Variants in LIPA observed in about 807,000 individuals in gnomAD.
The protein encoded by LIPA is lysosomal acid lipase/cholesteryl ester hydrolase.
A neutral mutation model predicts 40.6 loss-of-function variants in LIPA; 26 were observed. The observed-to-expected ratio is 0.64, with a 90% CI of 0.47 to 0.89. LIPA has a LOEUF of 0.89. Ranked by LOEUF, LIPA falls within the 40% of genes least tolerant of loss-of-function variation. The probability of loss-of-function intolerance (pLI) is 0.00; values close to 1 mark genes in which losing one functional copy is unlikely to be tolerated. For synonymous variants in LIPA, 188 were observed against 168.4 expected (o/e 1.12, Z -0.90); for missense variants, 455 against 479.6 (o/e 0.95, Z 0.48).
intron 1 of LIPA, chr10:89,332,505 A>G: frequency 6.3e-7 from 1 of 1,586,736 alleles, no homozygotes; most frequent in African/African-American, 1.4e-5. Context: ...CTTTCATAAA[A>G]GCACAGACCT....
chr10:89,312,892 A>G (rs913817964), intron 1 of LIPA, among the ~76,000 whole-genome samples: 1 of 152,046 alleles, frequency 6.6e-6, no homozygotes. Flanking sequence ...CTTAGAGTGC[A>G]TGCTTTCTGC....
chr10:89,251,820 G>C (rs886047474), upstream of LIPA: 3 of 152,408 alleles, frequency 2.0e-5, no homozygotes, highest in African/African-American at 7.2e-5. Flanking sequence ...CCTGCAGGGG[G>C]CCTGGTCTGC....
intron 1 of LIPA, among the ~76,000 whole-genome samples, chr10:89,320,424 A>G (rs1351210305): frequency 1.3e-5 from 2 of 152,192 alleles, no homozygotes; most frequent in East Asian, 3.8e-4. Context: ...TACACCAATA[A>G]CAGACAAACA....
intron 1 of LIPA, among the ~76,000 whole-genome samples, chr10:89,300,254 C>A (rs1198573724): frequency 3.3e-5 from 5 of 151,936 alleles, no homozygotes; most frequent in African/African-American, 9.7e-5. Context: ...ATAATAGATA[C>A]CAGAGACTGG....
At chr10:89,317,417 G>A (rs534125983) in intron 1 of LIPA, among the ~76,000 whole-genome samples, 10 of 152,254 alleles carry the variant, frequency 6.6e-5, no homozygotes, top group South Asian at 6.2e-4. Context: ...ACTATATGAC[G>A]CATGCACAAC....
upstream of LIPA, among the ~76,000 whole-genome samples, chr10:89,255,789 A>T (rs1275873813): frequency 6.6e-6 from 1 of 152,152 alleles, no homozygotes; most frequent in African/African-American, 2.4e-5. Context: ...TGGTTTTGAG[A>T]TGCCTTTTAG....
intron 1 of LIPA, among the ~76,000 whole-genome samples, chr10:89,298,240 C>T (rs1390156175): frequency 5.3e-5 from 8 of 152,222 alleles, no homozygotes; most frequent in African/African-American, 1.9e-4. Context: ...CCCACTAACA[C>T]CAGTGCCAGT....
Position 89,393,004 on chromosome 10 carries a change from A to G in LIPA, c.61+19787T>C, listed in dbSNP as rs552656301. ...GGAAAAGAGTTTTGCAGGAAGGGAG[A>G]AAATGATCCCAATCTGAGAGATTCT... On this transcript the variant is annotated intron_variant, in intron 2 of 8. Coordinates refer to the LIPA transcript ENST00000371837. 9 of 760,494 alleles carry G rather than the reference A, an allele frequency of 1.2e-5. No homozygotes were observed. The Admixed American group carries it at 1.9e-4, about 16-fold the overall frequency. The allele number at this position is 760,494 out of a possible 1,614,324, so 47.1% of individuals were successfully genotyped here.
chr10:89,351,452 C>T (rs1015660956), intron 2 of LIPA, among the ~76,000 whole-genome samples: 8 of 152,166 alleles, frequency 5.3e-5, no homozygotes, highest in African/African-American at 1.4e-4. Context: ...GTATCCATGA[C>T]GATTTTATAA....
intron 3 of LIPA, among the ~76,000 whole-genome samples, chr10:89,233,729 C>A (rs771485068): frequency 6.6e-6 from 1 of 152,052 alleles, no homozygotes; most frequent in African/African-American, 2.4e-5. Context: ...GTGAAACCCT[C>A]GTGGTGGGTG....
intron 3 of LIPA, among the ~76,000 whole-genome samples, chr10:89,234,326 T>C (rs1255834062): frequency 6.6e-6 from 1 of 152,170 alleles, no homozygotes; most frequent in Non-Finnish European, 1.5e-5. Flanking sequence ...TAGGAAGGAC[T>C]TCATGGGGTG....
chr10:89,258,350 T>A (rs996025599), intron 1 of LIPA, among the ~76,000 whole-genome samples: 1 of 151,748 alleles, frequency 6.6e-6, no homozygotes, highest in African/African-American at 2.4e-5. Context: ...TTGGAGAAAA[T>A]CTTAAGAAAT....
At chr10:89,398,694 A>G (rs971733535) in intron 2 of LIPA, among the ~76,000 whole-genome samples, 2 of 152,208 alleles carry the variant, frequency 1.3e-5, no homozygotes, top group African/African-American at 4.8e-5. Flanking sequence ...CCATGTTGTA[A>G]CATGTATCAG....
intron 1 of LIPA, chr10:89,338,752 G>A (rs2133566572): frequency 1.9e-6 from 3 of 1,614,000 alleles, no homozygotes; most frequent in East Asian, 2.2e-5. Context: ...TGTCTCAAGG[G>A]ATCTAGAAGA....
chr10:89,343,182 A>G (rs1321603230), upstream of LIPA, among the ~76,000 whole-genome samples: 2 of 152,254 alleles, frequency 1.3e-5, no homozygotes, highest in African/African-American at 2.4e-5. Flanking sequence ...TTTATGTGAT[A>G]TGAGAGCCTT....
chr10:89,389,378 AAGTAC>A (rs1288410438), intron 2 of LIPA, among the ~76,000 whole-genome samples: 1 of 152,240 alleles, frequency 6.6e-6, no homozygotes, highest in East Asian at 1.9e-4. Context: ...ACCAAAAAAC[AAGTAC>A]AGTAGCAACT....
rs398038546 is a variant in LIPA at position 89,250,107 on chromosome 10, C to CTTTTTTTTTTTTTT, written c.-2+1629_-2+1630insAAAAAAAAAAAAAA. On this transcript the variant is annotated intron_variant, in intron 1 of 9. Transcript: ENST00000336233. ...TTTTTCTTTTTCTTTTCTTTTCTTT[C>CTTTTTTTTTTTTTT]TTTTTTTTTTTTGAGACAGTCTTGC... Among the ~76,000 whole-genome samples, 649 of 95,932 alleles carry CTTTTTTTTTTTTTT rather than the reference C, an allele frequency of 6.8e-3. 14 individuals carry two copies. The highest frequency in any genetic ancestry group is 0.013 in the Middle Eastern group (2 of 154). The allele number at this position is 95,932 out of a possible 152,430, so 62.9% of individuals were successfully genotyped here.
chr10:89,222,385 C>T, intron 8 of LIPA, 126 bp downstream of exon 8: 1 of 738,416 alleles, frequency 1.4e-6, no homozygotes, highest in South Asian at 1.4e-5. Context: ...AAACCCAGGA[C>T]TCTGGGGAAG....
At chr10:89,290,780 C>T (rs1165976810) in intron 1 of LIPA, among the ~76,000 whole-genome samples, 1 of 152,210 alleles carries the variant, frequency 6.6e-6, no homozygotes, top group Non-Finnish European at 1.5e-5. Flanking sequence ...CGGCCCCGGC[C>T]CTATCTCCCT....
Sources: gnomAD v4.1 joint callset for allele counts (sites outside exome capture counted in the v4.1 genomes callset) on GRCh38, gnomAD v4.1.1 for gene constraint, MANE v1.5 for transcripts, NCBI Gene and HGNC (gene_info 2026-07-23, HGNC 2026-07-21) for gene names.